Variants in TRMT61B observed in about 807,000 individuals in gnomAD.
The protein encoded by TRMT61B is tRNA (adenine(58)-N(1))-methyltransferase, mitochondrial.
A neutral mutation model predicts 52.0 loss-of-function variants in TRMT61B; 56 were observed. That is an observed-to-expected ratio of 1.08 (90% confidence interval 0.87 to 1.35). The LOEUF is 1.35. Among genes scored for constraint, TRMT61B ranks in the 40% most tolerant of loss-of-function variants. TRMT61B has a pLI of 0.00. For synonymous variants in TRMT61B, 206 were observed against 220.0 expected (o/e 0.94, Z 0.56); for missense variants, 650 against 577.9 (o/e 1.12, Z -1.28).
intron 3 of TRMT61B, among the ~76,000 whole-genome samples, chr2:28,860,686 C>A (rs1031693076): frequency 6.6e-6 from 1 of 152,206 alleles, no homozygotes. Flanking sequence ...TGAACACACT[C>A]CCCTTGATAT....
At chr2:28,852,333 AAAAAT>A in intron 4 of TRMT61B, 70 bp downstream of exon 4, 3 of 669,628 alleles carry the variant, frequency 4.5e-6, no homozygotes, top group Middle Eastern at 3.0e-4. Context: ...AAAAAAAAAA[AAAAAT>A]TTAGTTTGAT....
Position 28,869,682 on chromosome 2 carries a change from T to C in TRMT61B, c.596A>G (p.Gln199Arg). 3 of 1,614,200 alleles carry C rather than the reference T, an allele frequency of 1.9e-6. No individual in the cohort carries two copies. The highest frequency in any genetic ancestry group is 2.5e-6 in the Non-Finnish European group (3 of 1,180,032). The change falls in exon 1 of 7, where the codon CAG becomes CGG. Residue 199 changes from glutamine to arginine, a missense_variant. By Grantham distance (43) the Gln-to-Arg change is conservative. Transcript: ENST00000306108. ...FGKIVGKFPG[Q>R]ILRSSFGKQY... ...CTTACCGAAGGAACTCCTCAGTATCTGGCCGGGGAACTTCCCCACGATCTT... is the reference window on the plus strand; with the variant it reads ...CTTACCGAAGGAACTCCTCAGTATCCGGCCGGGGAACTTCCCCACGATCTT...
chr2:28,865,672 CTTTT>C (rs70958219), intron 1 of TRMT61B, among the ~76,000 whole-genome samples: 15 of 80,068 alleles, frequency 1.9e-4, no homozygotes, highest in Non-Finnish European at 2.0e-4. Flanking sequence ...GATGAATTTC[CTTTT>C]TTTTTTTTTT....
intron 3 of TRMT61B, among the ~76,000 whole-genome samples, chr2:28,859,803 G>A (rs906836412): frequency 6.6e-6 from 1 of 151,954 alleles, no homozygotes; most frequent in African/African-American, 2.4e-5. Flanking sequence ...ATTTAATCTC[G>A]CAGGTATTTT....
chr2:28,869,543 C>T (rs1258594318), intron 1 of TRMT61B, 36 bp downstream of exon 1: 5 of 1,488,332 alleles, frequency 3.4e-6, no homozygotes, highest in Non-Finnish European at 4.6e-6. Context: ...TTTGCCCCTC[C>T]TGAAACCAAT....
At chr2:28,853,423 G>A (rs545181811) in intron 3 of TRMT61B, among the ~76,000 whole-genome samples, 4 of 152,006 alleles carry the variant, frequency 2.6e-5, no homozygotes, top group Admixed American at 2.0e-4. Context: ...CGATCTGCCC[G>A]CCTCGGCCTC....
intron 1 of TRMT61B, among the ~76,000 whole-genome samples, chr2:28,865,763 C>T (rs991145178): frequency 6.7e-6 from 1 of 149,632 alleles, no homozygotes; most frequent in African/African-American, 2.5e-5. Context: ...TCACTGCAAC[C>T]TCCGCCTCCC....
At position 28,870,049 on chromosome 2, in the gene TRMT61B, T is replaced by C. The variant is rs758057919; in HGVS notation, c.229A>G (p.Ile77Val). ...AGTGACGAAAGACATCCAGTCCCAA[T>C]GTCCGAGATGCTCAGAGGGAGAGAT... ...CPSLPLSISD[I>V]GTGCLSSLEN... Residue 77 changes from isoleucine to valine, a missense_variant, in exon 1 of 7, where the codon ATT (isoleucine) becomes GTT (valine). By Grantham distance (29) the Ile-to-Val change is conservative. Coordinates refer to ENST00000306108, the MANE Select transcript of TRMT61B (RefSeq NM_017910.4). 1.1e-5 allele frequency: 18 copies of C among 1,613,700 alleles called. No individual in the cohort carries two copies. The highest frequency in any genetic ancestry group is 4.5e-5 in the East Asian group (2 of 44,876).
At chr2:28,852,591 C>CTTA in intron 3 of TRMT61B, 92 bp from the exon 4 acceptor site, 1 of 794,116 alleles carries the variant, frequency 1.3e-6, no homozygotes, top group East Asian at 2.6e-5. Flanking sequence ...CACTTTTGGA[C>CTTA]AGCAATCAAA....
intron 2 of TRMT61B, among the ~76,000 whole-genome samples, chr2:28,862,917 A>G (rs918541418): frequency 2.0e-5 from 3 of 151,062 alleles, no homozygotes; most frequent in African/African-American, 7.3e-5. Context: ...GAACTTTTAA[A>G]CTAATTAGCA....
intron 3 of TRMT61B, among the ~76,000 whole-genome samples, chr2:28,855,596 A>C (rs1348253743): frequency 6.6e-6 from 1 of 152,212 alleles, no homozygotes; most frequent in East Asian, 1.9e-4. Context: ...AATGAGGAAA[A>C]TGATGAAGAT....
rs771799497 is a variant in TRMT61B at position 28,852,397 on chromosome 2, A to G, written c.1085+11T>C. On this transcript the variant is annotated intron_variant, in intron 4 of 6. Coordinates refer to ENST00000306108, the MANE Select transcript of TRMT61B (RefSeq NM_017910.4). ...AGTTACATTACAAAGAAAAACAGTT[A>G]TATTACTCACTTTACTACATATACA... 6.7e-7 allele frequency: 1 copy of G among 1,494,032 alleles called. No individual in the cohort carries two copies. The highest frequency in any genetic ancestry group is 1.2e-5 in the South Asian group (1 of 82,960). 92.5% of individuals were successfully genotyped at this position (1,494,032 alleles called of 1,614,324 possible).
In TRMT61B at chr2:28,849,904, A is replaced by AC. The variant is rs1388001077; in HGVS notation, c.*294dup. On this transcript the variant is annotated 3_prime_UTR_variant, in exon 7 of 7. Coordinates refer to ENST00000306108, the MANE Select transcript of TRMT61B (RefSeq NM_017910.4). Reference sequence around the variant, plus strand: ...AAGAAAACTAATTTCTTGAAGAAAGACAAATCTATGGAGTGGTTTACAGGA... The same window carrying AC: ...AAGAAAACTAATTTCTTGAAGAAAGACCAAATCTATGGAGTGGTTTACAGGA... 1 of 1,595,366 alleles carries AC rather than the reference A, an allele frequency of 6.3e-7. No individual in the cohort carries two copies. The highest frequency in any genetic ancestry group is 1.4e-5 in the African/African-American group (1 of 73,974).
chr2:28,867,153 T>C lies in TRMT61B; in HGVS notation c.700-2034A>G, dbSNP rs533378871. 3.9e-5 allele frequency among the ~76,000 whole-genome samples: 6 copies of C among 151,938 alleles called. No individual in the cohort carries two copies. The East Asian group carries it at 1.2e-3, about 29-fold the overall frequency. On this transcript the variant is annotated intron_variant, in intron 1 of 6. Coordinates refer to ENST00000306108, the MANE Select transcript of TRMT61B (RefSeq NM_017910.4). The stretch of plus-strand genomic sequence containing the variant: ...CACTGTTGCCCAGGCTGGAGTGCAG[T>C]GGCAAGATCATGGCTCGCTGCAGCC...
chr2:28,869,147 G>T (rs1412560129), intron 1 of TRMT61B, among the ~76,000 whole-genome samples: 1 of 152,164 alleles, frequency 6.6e-6, no homozygotes, highest in Admixed American at 6.5e-5. Flanking sequence ...TGTACCTATT[G>T]TTAATATACT....
At chr2:28,850,829 A>T (rs1030561288) in intron 5 of TRMT61B, among the ~76,000 whole-genome samples, 5 of 152,196 alleles carry the variant, frequency 3.3e-5, no homozygotes, top group Admixed American at 3.3e-4. Context: ...TATTTCACAA[A>T]CCAAGCTCCT....
chr2:28,869,896 C>T lies in TRMT61B; in HGVS notation c.382G>A (p.Ala128Thr), dbSNP rs1670010224. 7 of 1,613,872 alleles carry T rather than the reference C, an allele frequency of 4.3e-6. No individual in the cohort carries two copies. In the South Asian group the frequency reaches 6.6e-5, roughly 15 times the overall value. The change falls in exon 1 of 7, where the codon GCC (alanine) becomes ACC (threonine). Residue 128 changes from alanine (A) to threonine (T), a missense_variant. Coordinates refer to ENST00000306108, the MANE Select transcript of TRMT61B (RefSeq NM_017910.4). ...GSEDPSMLSQ[A>T]QSATEVEERH... Reference sequence around the variant, plus strand: ...TCTTCGACCTCGGTAGCGGACTGGGCCTGCGAGAGCATCGAAGGATCCTCG... The same window carrying T: ...TCTTCGACCTCGGTAGCGGACTGGGTCTGCGAGAGCATCGAAGGATCCTCG...
Position 28,869,671 on chromosome 2 carries a change from T to C in TRMT61B, c.607A>G (p.Ser203Gly). 1 of 1,614,190 alleles carries C rather than the reference T, an allele frequency of 6.2e-7. No homozygotes were observed. The highest frequency in any genetic ancestry group is 1.1e-5 in the South Asian group (1 of 91,086). The stretch of plus-strand genomic sequence containing the variant: ...AGCATGTACTGCTTACCGAAGGAAC[T>C]CCTCAGTATCTGGCCGGGGAACTTC... ...VGKFPGQILRSSFGKQYMLRR... is the reference protein window; with the variant it reads ...VGKFPGQILRGSFGKQYMLRR... Residue 203 changes from serine (S) to glycine (G), a missense_variant, in exon 1 of 7, where the codon AGT (serine) becomes GGT (glycine). Ser to Gly is a moderately conservative substitution (Grantham distance 56, BLOSUM62 0). Coordinates refer to ENST00000306108, the MANE Select transcript of TRMT61B (RefSeq NM_017910.4).
chr2:28,859,401 T>C (rs1451677770), intron 3 of TRMT61B, among the ~76,000 whole-genome samples: 2 of 152,184 alleles, frequency 1.3e-5, no homozygotes, highest in Non-Finnish European at 2.9e-5. Context: ...GTTTAACATA[T>C]GCCTTTTGAT....
Sources: allele counts gnomAD v4.1 joint callset (sites outside exome capture counted in the v4.1 genomes callset), GRCh38; gene constraint gnomAD v4.1.1; transcripts MANE v1.5; gene names NCBI Gene and HGNC (gene_info 2026-07-23, HGNC 2026-07-21).